Variants in RFX6 observed in about 807,000 individuals in gnomAD.
The protein encoded by RFX6 is DNA-binding protein RFX6.
In RFX6, 50 loss-of-function variants were observed where a neutral mutation model predicts 110.8. The ratio of observed to expected loss-of-function variants is 0.45; its 90% CI spans 0.36 to 0.57. RFX6 has a LOEUF of 0.57. RFX6 is among the 20% of genes least tolerant of loss of function. RFX6 has a pLI of 0.00. For synonymous variants in RFX6, 383 were observed against 411.2 expected (o/e 0.93, Z 0.83); for missense variants, 990 against 1,127.0 (o/e 0.88, Z 1.74).
In RFX6 at chr6:116,925,614, C is replaced by A; in HGVS notation, c.1840C>A (p.Leu614Met). 3.7e-6 allele frequency: 6 copies of A among 1,614,070 alleles called. No individual in the cohort carries two copies. The highest frequency in any genetic ancestry group is 4.2e-6 in the Non-Finnish European group (5 of 1,179,932). ...TCAACCTGGAGGCCTAGGCCCTGCT[C>A]TGCACCAGTTCCCTGCTGGGAACAC... ...SSQPGGLGPA[L>M]HQFPAGNTDN... The change falls in exon 16 of 19, where the codon CTG becomes ATG. Residue 614 changes from leucine (L) to methionine (M), a missense_variant. Coordinates refer to ENST00000332958, the MANE Select transcript of RFX6 (RefSeq NM_173560.4).
chr6:116,929,609 A>G (rs1410755089), intron 18 of RFX6, among the ~76,000 whole-genome samples: 1 of 152,184 alleles, frequency 6.6e-6, no homozygotes, highest in Non-Finnish European at 1.5e-5. Context: ...ATCCTCATCT[A>G]TGAAGAAATT....
intron 3 of RFX6, among the ~76,000 whole-genome samples, chr6:116,880,985 C>T (rs1774578772): frequency 2.0e-5 from 3 of 152,000 alleles, no homozygotes; most frequent in South Asian, 4.1e-4. Flanking sequence ...GTGGAGGTGA[C>T]AAGTCTCTTG....
intron 6 of RFX6, among the ~76,000 whole-genome samples, chr6:116,907,627 CTT>C (rs1420991430): frequency 6.6e-6 from 1 of 152,070 alleles, no homozygotes; most frequent in African/African-American, 2.4e-5. Flanking sequence ...TTCACTGAGA[CTT>C]AGTTTGTGGC....
chr6:116,926,055 G>A (rs924608050), intron 16 of RFX6, among the ~76,000 whole-genome samples: 6 of 152,154 alleles, frequency 3.9e-5, no homozygotes, highest in Non-Finnish European at 7.3e-5. Context: ...GGTGGCTCAT[G>A]CCTGTAATCT....
chr6:116,927,689 C>T (rs970663323), intron 17 of RFX6, 150 bp downstream of exon 17: 14 of 679,584 alleles, frequency 2.1e-5, no homozygotes, highest in Non-Finnish European at 3.3e-5. Context: ...TGATTTCTGT[C>T]ACATACATAT....
At chr6:116,900,640 A>T (rs1468938554) in intron 6 of RFX6, among the ~76,000 whole-genome samples, 1 of 152,122 alleles carries the variant, frequency 6.6e-6, no homozygotes, top group Non-Finnish European at 1.5e-5. Context: ...AGAAATAAAA[A>T]TAAAATAGGT....
chr6:116,879,839 A>T (rs963313618), intron 2 of RFX6, among the ~76,000 whole-genome samples: 3 of 152,100 alleles, frequency 2.0e-5, no homozygotes, highest in Admixed American at 2.0e-4. Flanking sequence ...AATTAAATGG[A>T]ATTACTTCAA....
intron 4 of RFX6, among the ~76,000 whole-genome samples, chr6:116,886,394 T>C (rs1342732472): frequency 1.3e-5 from 2 of 152,192 alleles, no homozygotes; most frequent in Non-Finnish European, 2.9e-5. Context: ...ACTCTGGGCA[T>C]GAGATAGCAC....
intron 4 of RFX6, chr6:116,885,035 T>C (rs368568055): frequency 6.6e-6 from 1 of 152,214 alleles, no homozygotes; most frequent in Non-Finnish European, 1.5e-5. Context: ...GACATAATTA[T>C]TCTTAGCTAG....
At chr6:116,923,500 G>A in intron 14 of RFX6, 1 of 439,186 alleles carries the variant, frequency 2.3e-6, no homozygotes, top group South Asian at 2.3e-5. Context: ...GTACTTTGGT[G>A]AGATGATGTA....
intron 9 of RFX6, among the ~76,000 whole-genome samples, chr6:116,917,326 AAGGATTGTCTT>A (rs1775487969): frequency 7.0e-6 from 1 of 143,716 alleles, no homozygotes; most frequent in Non-Finnish European, 1.5e-5. Flanking sequence ...AGAGGAGAGT[AAGGATTGTCTT>A]GTTTTTTTTT....
At position 116,893,972 on chromosome 6, in the gene RFX6, C is replaced by T; in HGVS notation, c.567-15C>T. 1 of 1,491,858 alleles carries T rather than the reference C, an allele frequency of 6.7e-7. No homozygotes were observed. Among genetic ancestry groups the T allele is most frequent in the Non-Finnish European group, 9.4e-7 (1 of 1,068,716 alleles). The allele number at this position is 1,491,858 out of a possible 1,614,324, so 92.4% of individuals were successfully genotyped here. A position where few individuals can be genotyped will look rare whatever the true frequency, so the allele number is the denominator to read the frequency against. On this transcript the variant is annotated splice_polypyrimidine_tract_variant and intron_variant, in intron 4 of 18. Coordinates refer to ENST00000332958, the MANE Select transcript of RFX6 (RefSeq NM_173560.4). Reference sequence around the variant, plus strand: ...TCCTTCACTAACACAGAGCTGGTTCCTGTCTTTGCTCTAGGTATCATTACT... The same window carrying T: ...TCCTTCACTAACACAGAGCTGGTTCTTGTCTTTGCTCTAGGTATCATTACT...
chr6:116,903,913 C>T (rs571361567), intron 6 of RFX6, among the ~76,000 whole-genome samples: 51 of 151,982 alleles, frequency 3.4e-4, no homozygotes, highest in Admixed American at 3.3e-4. Flanking sequence ...AGGTAGACAT[C>T]TATAGGAGTT....
intron 6 of RFX6, among the ~76,000 whole-genome samples, chr6:116,895,838 C>G (rs1316225796): frequency 6.6e-6 from 1 of 152,228 alleles, no homozygotes; most frequent in East Asian, 1.9e-4. Context: ...GAGGTGCTGC[C>G]AAGCTAAGGG....
In RFX6 at chr6:116,894,047, T is replaced by G. The variant is rs760182171; in HGVS notation, c.627T>G (p.Ser209=). The G allele has an allele frequency of 1.9e-5, 31 of 1,591,012 alleles. No individual in the cohort carries two copies. The highest frequency in any genetic ancestry group is 2.7e-5 in the African/African-American group (2 of 74,440). The part of the protein sequence containing the change: ...ESSAYYHSVY[S]GKGLTRFSGS... ...GTGCATATTACCACTCCGTTTATTC[T>G]GGAAAGGGCTTGACAAGGTAGAGTT... The change falls in exon 5 of 19, where the codon TCT becomes TCG. Residue 209 remains serine, a synonymous_variant. Coordinates refer to ENST00000332958, the MANE Select transcript of RFX6 (RefSeq NM_173560.4).
chr6:116,927,743 C>CTTTTTTTTTTTTTTTTTTTT (rs60638457), intron 17 of RFX6, among the ~76,000 whole-genome samples: 1 of 119,560 alleles, frequency 8.4e-6, no homozygotes, highest in Non-Finnish European at 1.7e-5. Flanking sequence ...GCCCTTCTTC[C>CTTTTTTTTTTTTTTTTTTTT]TTTTTTTTTT....
At chr6:116,913,406 A>G (rs1775397516) in intron 7 of RFX6, among the ~76,000 whole-genome samples, 1 of 152,174 alleles carries the variant, frequency 6.6e-6, no homozygotes, top group African/African-American at 2.4e-5. Flanking sequence ...CTGCCCAGTG[A>G]AAAGCTGACC....
intron 14 of RFX6, among the ~76,000 whole-genome samples, chr6:116,923,734 G>C (rs9320586): frequency 0.24 from 37,056 of 152,096 alleles, 4,904 homozygotes; most frequent in South Asian, 0.42. Flanking sequence ...AAGACACACT[G>C]TCATGTTTCT....
intron 10 of RFX6, among the ~76,000 whole-genome samples, chr6:116,918,580 T>C (rs1337867810): frequency 7.1e-6 from 1 of 141,594 alleles, no homozygotes; most frequent in Non-Finnish European, 1.5e-5. Context: ...ACCTTTTCAA[T>C]ATAAGAACAA....
Sources: allele counts gnomAD v4.1 joint callset (sites outside exome capture counted in the v4.1 genomes callset), GRCh38; gene constraint gnomAD v4.1.1; transcripts MANE v1.5; gene names NCBI Gene and HGNC (gene_info 2026-07-23, HGNC 2026-07-21).